ROBO2: variants seen among roughly 807,000 people sequenced by gnomAD.
ROBO2 encodes roundabout guidance receptor 2.
ROBO2 carries 53 observed loss-of-function variants against 160.8 expected under a neutral mutation model. The observed-to-expected ratio is 0.33, with a 90% CI of 0.26 to 0.41. The LOEUF (loss-of-function observed/expected upper bound fraction) is 0.41. Ranked by LOEUF, ROBO2 falls within the 10% of genes least tolerant of loss-of-function variation. ROBO2 has a pLI of 1.00. For missense variants in ROBO2, 1,577 were observed against 1,722.4 expected (o/e 0.92, Z 1.49); for synonymous variants, 664 against 611.7 (o/e 1.09, Z -1.26).
At chr3:76,071,384 C>G (rs1456126419) in intron 2 of ROBO2, among the ~76,000 whole-genome samples, 1 of 152,082 alleles carries the variant, frequency 6.6e-6, no homozygotes, top group Non-Finnish European at 1.5e-5. Flanking sequence ...ACAGAGTTAA[C>G]TATAAAAGCT....
chr3:76,672,933 A>G (rs2092308064), intron 2 of ROBO2, among the ~76,000 whole-genome samples: 1 of 151,884 alleles, frequency 6.6e-6, no homozygotes, highest in Admixed American at 6.6e-5. Flanking sequence ...TATTGATTGT[A>G]TTCTCCATGT....
intron 2 of ROBO2, among the ~76,000 whole-genome samples, chr3:76,601,076 G>A (rs1351084951): frequency 6.6e-6 from 1 of 152,188 alleles, no homozygotes; most frequent in African/African-American, 2.4e-5. Context: ...GCTCCATAAT[G>A]ATCTCCTTTG....
intron 1 of ROBO2, among the ~76,000 whole-genome samples, chr3:77,068,162 C>G (rs1172425501): frequency 6.6e-6 from 1 of 152,006 alleles, no homozygotes; most frequent in Non-Finnish European, 1.5e-5. Context: ...AGAGGCTGCC[C>G]TTTATTTTTG....
intron 2 of ROBO2, among the ~76,000 whole-genome samples, chr3:77,211,976 A>G (rs2084236095): frequency 6.6e-6 from 1 of 152,176 alleles, no homozygotes; most frequent in South Asian, 2.1e-4. Flanking sequence ...TGGTTACTGT[A>G]GCCTTGTAGT....
chr3:77,470,414 A>T (rs925446731), intron 2 of ROBO2, among the ~76,000 whole-genome samples: 3 of 152,184 alleles, frequency 2.0e-5, no homozygotes, highest in African/African-American at 7.2e-5. Context: ...ATAGACCCAG[A>T]TGATATTGCA....
At chr3:76,160,636 G>C (rs1020468041) in intron 2 of ROBO2, among the ~76,000 whole-genome samples, 2 of 152,162 alleles carry the variant, frequency 1.3e-5, no homozygotes, top group African/African-American at 2.4e-5. Context: ...TAAAGGATCA[G>C]TGGTTTTACT....
chr3:77,185,916 A>G (rs1579761895), intron 2 of ROBO2, among the ~76,000 whole-genome samples: 1 of 152,106 alleles, frequency 6.6e-6, no homozygotes, highest in Non-Finnish European at 1.5e-5. Context: ...TTCTAAGTGA[A>G]GTAGCTCAGG....
intron 2 of ROBO2, among the ~76,000 whole-genome samples, chr3:76,308,944 C>T: frequency 6.6e-6 from 1 of 152,194 alleles, no homozygotes; most frequent in East Asian, 1.9e-4. Context: ...TCTTAGTAAC[C>T]TTGTTCCGGC....
In ROBO2 at chr3:77,499,660, T is replaced by C. The variant is rs7649611; in HGVS notation, c.806+6278T>C. ...ATAAGTATCACTTACGCTTTTTTTT[T>C]TTTTTTTTGACGGAGTCTTACTCTG... On this transcript the variant is annotated intron_variant, in intron 5 of 25. Coordinates refer to ENST00000461745, the Ensembl canonical transcript of ROBO2. Among the ~76,000 whole-genome samples, 586 of 151,146 alleles carry C rather than the reference T, an allele frequency of 3.9e-3. 5 individuals are homozygous for C. The highest frequency in any genetic ancestry group is 0.013 in the African/African-American group (554 of 41,238).
intron 2 of ROBO2, among the ~76,000 whole-genome samples, chr3:76,424,444 A>G (rs2076125973): frequency 6.6e-6 from 1 of 152,180 alleles, no homozygotes; most frequent in Non-Finnish European, 1.5e-5. Context: ...TATATGTGGA[A>G]TCTAAAAAAT....
chr3:77,628,622 T>C (rs2095088021), intron 23 of ROBO2, among the ~76,000 whole-genome samples: 1 of 152,194 alleles, frequency 6.6e-6, no homozygotes, highest in South Asian at 2.1e-4. Flanking sequence ...TCATGGAATG[T>C]GGCCAAATGT....
intron 5 of ROBO2, among the ~76,000 whole-genome samples, chr3:77,504,729 G>T (rs1238769571): frequency 6.6e-6 from 1 of 152,094 alleles, no homozygotes; most frequent in Non-Finnish European, 1.5e-5. Flanking sequence ...ATTCTGTGTT[G>T]ATATTTCAAG....
intron 2 of ROBO2, among the ~76,000 whole-genome samples, chr3:76,048,167 G>T (rs2035704): frequency 1.1e-3 from 161 of 152,126 alleles, no homozygotes; most frequent in Non-Finnish European, 1.8e-3. Context: ...TTGCATTCCC[G>T]TAGGTGGGCA....
chr3:76,472,164 A>G (rs1327465361), intron 2 of ROBO2, among the ~76,000 whole-genome samples: 3 of 152,000 alleles, frequency 2.0e-5, no homozygotes, highest in African/African-American at 7.3e-5. Context: ...TCCTACCATA[A>G]AAGTGACAGA....
intron 2 of ROBO2, among the ~76,000 whole-genome samples, chr3:76,845,738 T>C (rs373927076): frequency 1.3e-5 from 2 of 152,076 alleles, no homozygotes; most frequent in East Asian, 3.9e-4. Context: ...TTTCATACTT[T>C]CTTTTTTAAA....
At chr3:77,617,736 A>G (rs1252847644) in exon 22 of ROBO2, 3 of 1,613,896 alleles carry the variant, frequency 1.9e-6, no homozygotes, top group Non-Finnish European at 1.7e-6. Context: ...GGATGAGTTG[A>G]CAAGAGCCTA....
At chr3:76,644,965 T>G (rs1281471750) in intron 2 of ROBO2, among the ~76,000 whole-genome samples, 1 of 152,210 alleles carries the variant, frequency 6.6e-6, no homozygotes, top group Non-Finnish European at 1.5e-5. Flanking sequence ...AACTGCCAAT[T>G]AAAGAGGATT....
intron 2 of ROBO2, among the ~76,000 whole-genome samples, chr3:76,442,546 C>T (rs1452284318): frequency 6.6e-6 from 1 of 152,120 alleles, no homozygotes; most frequent in Non-Finnish European, 1.5e-5. Flanking sequence ...CAGTGGTTCC[C>T]CTTTATTCAC....
chr3:77,264,550 T>A (rs1475154375), intron 2 of ROBO2, among the ~76,000 whole-genome samples: 1 of 151,620 alleles, frequency 6.6e-6, no homozygotes, highest in Non-Finnish European at 1.5e-5. Flanking sequence ...TTTTTTTTAA[T>A]TCTAAAAAAG....
Sources: gnomAD v4.1 joint callset for allele counts (sites outside exome capture counted in the v4.1 genomes callset) on GRCh38, gnomAD v4.1.1 for gene constraint, MANE v1.5 for transcripts, NCBI Gene and HGNC (gene_info 2026-07-23, HGNC 2026-07-21) for gene names.